Variants in ABCB1 observed in about 807,000 individuals in gnomAD.
ABCB1 encodes the protein ATP binding cassette subfamily B member 1.
In ABCB1, 69 loss-of-function variants were observed where a neutral mutation model predicts 142.0. That is an observed-to-expected ratio of 0.49 (90% CI 0.40 to 0.59). ABCB1 has a LOEUF of 0.59. Ranked by LOEUF, ABCB1 falls within the 20% of genes least tolerant of loss-of-function variation. ABCB1 has a pLI of 0.00. For missense variants in ABCB1, 1,326 were observed against 1,554.7 expected (o/e 0.85, Z 2.47); for synonymous variants, 532 against 539.2 (o/e 0.99, Z 0.18).
At chr7:87,693,926 G>T in intron 1 of ABCB1, 8 of 1,610,360 alleles carry the variant, frequency 5.0e-6, no homozygotes, top group Non-Finnish European at 5.9e-6. Context: ...CAAAGTTGCA[G>T]ATGGCTGGCT....
In ABCB1 at chr7:87,563,788, T is replaced by A. The variant is rs960976594; in HGVS notation, c.702+2282A>T. On this transcript the variant is annotated intron_variant, in intron 7 of 27. Transcript: ENST00000622132. ...AAATGCCCATCAATGATAGACTGGA[T>A]AAAAAAAAAATGTGGTACATAGACA... Among the ~76,000 whole-genome samples the A allele has an allele frequency of 3.4e-5, 5 of 146,962 alleles. No individual in the cohort carries two copies. The East Asian group carries it at 6.0e-4, about 18-fold the overall frequency.
intron 1 of ABCB1, among the ~76,000 whole-genome samples, chr7:87,682,778 T>G (rs987988249): frequency 2.0e-5 from 3 of 152,202 alleles, no homozygotes; most frequent in African/African-American, 7.2e-5. Context: ...TTTTTTGGAA[T>G]GGTAAATAAG....
chr7:87,686,152 AT>A (rs1554465510), intron 1 of ABCB1, among the ~76,000 whole-genome samples: 2 of 151,674 alleles, frequency 1.3e-5, no homozygotes, highest in African/African-American at 2.4e-5. Flanking sequence ...TCCACCCACA[AT>A]TTTTTTTCTT....
chr7:87,626,104 A>T (rs1285248288), intron 1 of ABCB1, among the ~76,000 whole-genome samples: 4 of 134,906 alleles, frequency 3.0e-5, no homozygotes. Context: ...ATATATTGTC[A>T]TATATATGTG....
At chr7:87,602,236 G>A (rs955331096), upstream of ABCB1, among the ~76,000 whole-genome samples, 2 of 149,410 alleles carry the variant, frequency 1.3e-5, no homozygotes, top group South Asian at 2.1e-4. Flanking sequence ...CTCGTGATCC[G>A]CCCGCCTCGG....
At chr7:87,536,564 A>G in intron 19 of ABCB1, 23 bp from the exon 20 acceptor site, 7 of 1,612,134 alleles carry the variant, frequency 4.3e-6, no homozygotes, top group Non-Finnish European at 5.1e-6. Context: ...AAATGATTTT[A>G]TTACCTTAAA....
intron 1 of ABCB1, among the ~76,000 whole-genome samples, chr7:87,620,554 T>C (rs1820188298): frequency 6.6e-6 from 1 of 152,228 alleles, no homozygotes. Context: ...GAAAATTACT[T>C]CGTGGAATTG....
At chr7:87,675,772 T>C (rs1293358681) in intron 1 of ABCB1, among the ~76,000 whole-genome samples, 1 of 151,052 alleles carries the variant, frequency 6.6e-6, no homozygotes, top group African/African-American at 2.4e-5. Context: ...ACAAATTAAA[T>C]AATTTAACAT....
chr7:87,576,647 C>T (rs1388161833), intron 4 of ABCB1, among the ~76,000 whole-genome samples: 4 of 151,712 alleles, frequency 2.6e-5, no homozygotes, highest in African/African-American at 9.7e-5. Context: ...ATTCTTTCTA[C>T]TTTTCTCCAT....
At chr7:87,681,387 C>T (rs1826912282) in intron 1 of ABCB1, among the ~76,000 whole-genome samples, 5 of 150,598 alleles carry the variant, frequency 3.3e-5, no homozygotes, top group Admixed American at 2.7e-4. Context: ...AAACTCTACT[C>T]ATACTGAGGT....
At chr7:87,710,594 C>T in intron 1 of ABCB1, 2 of 1,599,294 alleles carry the variant, frequency 1.3e-6, no homozygotes, top group Non-Finnish European at 1.7e-6. Flanking sequence ...CAGAGTAGCA[C>T]TCATGGAAAA....
intron 20 of ABCB1, among the ~76,000 whole-genome samples, chr7:87,532,804 C>T (rs1816114529): frequency 6.6e-6 from 1 of 152,112 alleles, no homozygotes; most frequent in Admixed American, 6.6e-5. Context: ...TGTGGATTCG[C>T]CTTGAATTCT....
rs187636512 is a variant in ABCB1 at position 87,652,359 on chromosome 7, C to T, written c.-330-51281G>A. ...ACTATGTAAGTGGATGCCTCCTGCG[C>T]ACTAATCTGCCATCTTCTGAGTTGT... is the stretch of plus-strand genomic sequence containing the variant. On this transcript the variant is annotated intron_variant, in intron 1 of 28. Transcript: ENST00000265724. Among the ~76,000 whole-genome samples, 5 of 152,146 alleles carry T rather than the reference C, an allele frequency of 3.3e-5. No individual in the cohort carries two copies. The East Asian group carries it at 9.7e-4, about 29-fold the overall frequency.
chr7:87,515,508 G>A, intron 24 of ABCB1, 80 bp from the exon 25 acceptor site: 2 of 1,256,650 alleles, frequency 1.6e-6, no homozygotes, highest in Non-Finnish European at 2.3e-6. Context: ...TCGATTACCA[G>A]GTGTCAGAAG....
intron 4 of ABCB1, 87 bp downstream of exon 4, chr7:87,585,425 T>C: frequency 2.2e-6 from 3 of 1,342,266 alleles, no homozygotes; most frequent in Admixed American, 1.8e-5. Flanking sequence ...CACTAATGTG[T>C]ATTTAGTAAA....
At chr7:87,514,737 C>T (rs1815157114) in intron 25 of ABCB1, among the ~76,000 whole-genome samples, 3 of 152,314 alleles carry the variant, frequency 2.0e-5, no homozygotes, top group Middle Eastern at 3.4e-3. Flanking sequence ...TTAACTGTTT[C>T]CTACCATCAC....
intron 1 of ABCB1, among the ~76,000 whole-genome samples, chr7:87,623,796 C>A (rs919765738): frequency 6.6e-6 from 1 of 151,814 alleles, no homozygotes; most frequent in African/African-American, 2.4e-5. Flanking sequence ...CCAGTAGATT[C>A]ATTGCATCAG....
chr7:87,709,438 G>T (rs1466268354), intron 1 of ABCB1: 10 of 985,170 alleles, frequency 1.0e-5, no homozygotes, highest in Non-Finnish European at 1.2e-5. Context: ...CTAACTGCAG[G>T]TTCCCCTAGG....
chr7:87,571,425 A>T (rs941727267), intron 4 of ABCB1, among the ~76,000 whole-genome samples: 2 of 152,216 alleles, frequency 1.3e-5, no homozygotes, highest in African/African-American at 4.8e-5. Flanking sequence ...AATGTATACG[A>T]TTAACTGGAA....
Sources: allele counts gnomAD v4.1 joint callset (sites outside exome capture counted in the v4.1 genomes callset), GRCh38; gene constraint gnomAD v4.1.1; transcripts MANE v1.5; gene names NCBI Gene and HGNC (gene_info 2026-07-23, HGNC 2026-07-21).